The following XRCC6 variants were observed in gnomAD, a reference collection of about 807,000 sequenced individuals.
The protein encoded by XRCC6 is DNA repair protein Ku70.
A neutral mutation model predicts 65.7 loss-of-function variants in XRCC6; 5 were observed. That is an observed-to-expected ratio of 0.08 (90% CI 0.04 to 0.16). XRCC6 has a LOEUF of 0.16. Among genes scored for constraint, XRCC6 ranks in the 10% least tolerant of loss-of-function variants. The pLI, the probability that XRCC6 is intolerant of heterozygous loss-of-function variation, is 1.00. For missense variants in XRCC6, 447 were observed against 738.1 expected, an observed-to-expected ratio of 0.61 and a Z score of 4.57; for synonymous variants, 270 against 270.6, an observed-to-expected ratio of 1.00 and a Z score of 0.02.
chr22:41,635,486 T>A (rs61013612), intron 3 of XRCC6, among the ~76,000 whole-genome samples: 2,624 of 152,306 alleles, frequency 0.017, 74 homozygotes, highest in African/African-American at 0.059. Context: ...GGTTTTCTGA[T>A]TCCAATGCTT....
intron 3 of XRCC6, among the ~76,000 whole-genome samples, chr22:41,632,360 C>T (rs904598151): frequency 1.3e-5 from 2 of 152,022 alleles, no homozygotes; most frequent in Non-Finnish European, 2.9e-5. Context: ...CCTGTAATCC[C>T]AGCACTTTGG....
intron 2 of XRCC6, among the ~76,000 whole-genome samples, chr22:41,626,709 C>T (rs1242942800): frequency 1.3e-5 from 2 of 150,216 alleles, no homozygotes; most frequent in Non-Finnish European, 3.0e-5. Flanking sequence ...GTGATCTCGG[C>T]TCACTGGAAG....
In XRCC6 at chr22:41,650,942, C is replaced by T. The variant is rs762211548; in HGVS notation, c.1129+51C>T. On this transcript the variant is annotated intron_variant, in intron 8 of 12. Transcript: ENST00000360079. ...TGACTCTAACACACAGTGCAGTTTA[C>T]GGAGCAGCGCTTTGTAAATGGGCAC... 31 of 1,599,514 alleles carry T rather than the reference C, an allele frequency of 1.9e-5. No homozygotes were observed. The South Asian group carries it at 2.5e-4, about 13-fold the overall frequency.
intron 7 of XRCC6, among the ~76,000 whole-genome samples, chr22:41,650,087 A>C (rs1247654160): frequency 2.0e-5 from 3 of 151,382 alleles, no homozygotes; most frequent in Admixed American, 2.0e-4. Context: ...TGGTGCTGAC[A>C]GGTCAGTACA....
At chr22:41,639,441 G>A (rs1486093140) in intron 6 of XRCC6, among the ~76,000 whole-genome samples, 2 of 139,994 alleles carry the variant, frequency 1.4e-5, no homozygotes, top group African/African-American at 2.6e-5. Flanking sequence ...TCCAGTGATC[G>A]CCCCATATCA....
At chr22:41,659,427 C>T (rs559932754) in intron 11 of XRCC6, among the ~76,000 whole-genome samples, 4 of 151,918 alleles carry the variant, frequency 2.6e-5, no homozygotes, top group Non-Finnish European at 5.9e-5. Flanking sequence ...AGGATGGTCT[C>T]GATCTCCTGA....
In XRCC6 at chr22:41,650,798, A is replaced by G. The variant is rs373568942; in HGVS notation, c.1036A>G (p.Met346Val). 4 of 1,613,936 alleles carry G rather than the reference A, an allele frequency of 2.5e-6. No homozygotes were observed. Among genetic ancestry groups the G allele is most frequent in the African/African-American group, 1.3e-5 (1 of 75,032 alleles). The change falls in exon 8 of 13, where the codon ATG becomes GTG. Residue 346 changes from methionine (M) to valine (V), a missense_variant. By Grantham distance (21) the Met-to-Val change is conservative. Around this residue, in one of 4 missense-constraint regions of XRCC6, gnomAD observed 201 missense variants for 374.1 expected, o/e 0.54. Transcript: ENST00000360079. The part of the protein sequence containing the change: ...ELKRFDDPGL[M>V]LMGFKPLVLL... Reference sequence around the variant, plus strand: ...AAAACGGTTTGATGATCCAGGTTTGATGCTCATGGGTTTCAAGCCGTTGGT... The same window carrying G: ...AAAACGGTTTGATGATCCAGGTTTGGTGCTCATGGGTTTCAAGCCGTTGGT...
chr22:41,629,256 T>C (rs1287638739), intron 3 of XRCC6, among the ~76,000 whole-genome samples: 2 of 152,158 alleles, frequency 1.3e-5, no homozygotes, highest in African/African-American at 4.8e-5. Flanking sequence ...TTTGAAAGTA[T>C]ACAATTCAGT....
intron 7 of XRCC6, among the ~76,000 whole-genome samples, chr22:41,649,579 G>T (rs2067974462): frequency 1.3e-5 from 2 of 152,038 alleles, no homozygotes; most frequent in Non-Finnish European, 1.5e-5. Flanking sequence ...TGGTGGCCGG[G>T]TGCGGTGGCT....
chr22:41,653,179 G>A (rs562656149), intron 8 of XRCC6, among the ~76,000 whole-genome samples: 2 of 152,188 alleles, frequency 1.3e-5, no homozygotes, highest in Non-Finnish European at 1.5e-5. Flanking sequence ...TGAGGCTGGA[G>A]GATCACTTGA....
At chr22:41,658,223 T>G (rs372273063) in intron 10 of XRCC6, 29 bp from the exon 11 acceptor site, 1 of 1,605,998 alleles carries the variant, frequency 6.2e-7, no homozygotes, top group African/African-American at 1.3e-5. Flanking sequence ...TTGTCATGTT[T>G]CAGTTGAGTT....
intron 3 of XRCC6, among the ~76,000 whole-genome samples, chr22:41,630,084 A>G (rs1219809718): frequency 2.0e-5 from 3 of 150,968 alleles, no homozygotes; most frequent in Admixed American, 6.6e-5. Context: ...CCCTGGTTCA[A>G]GCGATTCTCC....
At chr22:41,654,080 A>G (rs2068024428) in intron 9 of XRCC6, among the ~76,000 whole-genome samples, 1 of 152,134 alleles carries the variant, frequency 6.6e-6, no homozygotes, top group Non-Finnish European at 1.5e-5. Context: ...TTGCCAAGAT[A>G]GTGAGGTATA....
intron 2 of XRCC6, among the ~76,000 whole-genome samples, chr22:41,622,913 C>T (rs988569284): frequency 6.6e-6 from 1 of 151,380 alleles, no homozygotes; most frequent in African/African-American, 2.4e-5. Context: ...CCACTGCATT[C>T]CAGCCTGGGT....
intron 2 of XRCC6, 124 bp downstream of exon 2, chr22:41,622,210 C>A: frequency 2.9e-6 from 3 of 1,038,692 alleles, no homozygotes; most frequent in Non-Finnish European, 4.3e-6. Flanking sequence ...TTCTGAAATT[C>A]TTTTCTTCCT....
chr22:41,650,844 A>T lies in XRCC6; in HGVS notation c.1082A>T (p.Tyr361Phe). Residue 361 changes from tyrosine (Y) to phenylalanine (F), a missense_variant, in exon 8 of 13, where the codon TAC (tyrosine) becomes TTC (phenylalanine). Physicochemically the swap from Tyr to Phe is conservative, Grantham distance 22. Around this residue, in one of 4 missense-constraint regions of XRCC6, gnomAD observed 201 missense variants for 374.1 expected, o/e 0.54. Transcript: ENST00000360079. ...TTGGTACTGCTGAAGAAACACCATT[A>T]CCTGAGGCCCTCCCTGTTCGTGTAC... is the stretch of plus-strand genomic sequence containing the variant. ...KPLVLLKKHH[Y>F]LRPSLFVYPE... is the part of the protein sequence containing the mutation. 1 of 1,614,070 alleles carries T rather than the reference A, an allele frequency of 6.2e-7. No homozygotes were observed. The highest frequency in any genetic ancestry group is 1.1e-5 in the South Asian group (1 of 91,070).
intron 10 of XRCC6, among the ~76,000 whole-genome samples, chr22:41,657,857 T>C (rs2068059777): frequency 6.6e-6 from 1 of 151,988 alleles, no homozygotes. Flanking sequence ...AAAGTCTTGC[T>C]CTGCCATCCA....
chr22:41,657,479 A>G (rs1466930817), intron 10 of XRCC6, among the ~76,000 whole-genome samples: 2 of 140,186 alleles, frequency 1.4e-5, no homozygotes, highest in Admixed American at 1.5e-4. Flanking sequence ...TTCACATGTC[A>G]TTTTTAAAAA....
chr22:41,628,152 T>G lies in XRCC6; in HGVS notation c.117T>G (p.Ile39Met), dbSNP rs1309062456. The G allele has an allele frequency of 4.3e-6, 7 of 1,613,776 alleles. No homozygotes were observed. The African/African-American group carries it at 8.0e-5, about 18-fold the overall frequency. Residue 39 changes from isoleucine to methionine, a missense_variant, in exon 3 of 13, where the codon ATT (isoleucine) becomes ATG (methionine). This residue lies in a region of XRCC6 where 228 missense variants were observed against 307.4 expected (regional missense o/e 0.74). Coordinates refer to ENST00000360079, the MANE Select transcript of XRCC6 (RefSeq NM_001469.5). Reference protein sequence around the residue: ...DYKYSGRDSLIFLVDASKAMF... With the variant: ...DYKYSGRDSLMFLVDASKAMF... ...AATATTCAGGAAGAGATAGTTTGATTTTTTTGGTTGATGCCTCCAAGGCTA... is the reference window on the plus strand; with the variant it reads ...AATATTCAGGAAGAGATAGTTTGATGTTTTTGGTTGATGCCTCCAAGGCTA...
Sources: allele counts gnomAD v4.1 joint callset (sites outside exome capture counted in the v4.1 genomes callset), GRCh38; gene constraint gnomAD v4.1.1; regional missense constraint gnomAD v4.1.1; transcripts MANE v1.5; gene names NCBI Gene and HGNC (gene_info 2026-07-23, HGNC 2026-07-21).